PIWIL2: variants seen among roughly 807,000 people sequenced by gnomAD.
The protein encoded by PIWIL2 is piwi-like protein 2.
PIWIL2 carries 81 observed loss-of-function variants against 116.5 expected under a neutral mutation model. That is an observed-to-expected ratio of 0.70 (90% CI 0.58 to 0.84). The LOEUF is 0.84. Among genes scored for constraint, PIWIL2 ranks in the 40% least tolerant of loss-of-function variants. The pLI, the probability that PIWIL2 is intolerant of heterozygous loss-of-function variation, is 0.00. For synonymous variants in PIWIL2, 489 were observed against 429.5 expected, an observed-to-expected ratio of 1.14 and a Z score of -1.71; for missense variants, 1,272 against 1,212.3, an observed-to-expected ratio of 1.05 and a Z score of -0.73.
intron 10 of PIWIL2, among the ~76,000 whole-genome samples, chr8:22,291,828 G>A (rs931444136): frequency 2.6e-5 from 4 of 152,108 alleles, no homozygotes; most frequent in African/African-American, 9.7e-5. Flanking sequence ...AGCCTCTGTT[G>A]TTACCAGGGG....
Position 22,284,260 on chromosome 8 carries a change from A to T in PIWIL2, c.731A>T (p.His244Leu), listed in dbSNP as rs752825795. 1 of 1,565,826 alleles carries T rather than the reference A, an allele frequency of 6.4e-7. No individual in the cohort carries two copies. The highest frequency in any genetic ancestry group is 8.7e-7 in the Non-Finnish European group (1 of 1,143,164). The part of the protein sequence containing the change: ...QCHNEAVYQY[H>L]VTFSPNVECK... ...CATAATGAAGCAGTTTATCAATATC[A>T]TGTGACTTTCAGGTATTCACAGCTT... is the stretch of plus-strand genomic sequence containing the variant. Residue 244 changes from histidine to leucine, a missense_variant, in exon 6 of 23, where the codon CAT becomes CTT. By Grantham distance (99) the His-to-Leu change is moderately conservative (BLOSUM62 -3). Transcript: ENST00000356766.
intron 6 of PIWIL2, among the ~76,000 whole-genome samples, chr8:22,284,625 C>T (rs1830590445): frequency 6.6e-6 from 1 of 151,204 alleles, no homozygotes; most frequent in Non-Finnish European, 1.5e-5. Context: ...TATTCTTTTT[C>T]TTAAAGAACC....
rs1490666891 is a variant in PIWIL2, at chr8:22,314,554, T to C, written c.2091+125T>C. Reference sequence around the variant, plus strand: ...AGAAGCCAGTATGTGCTGAGCCTTCTGGTGAAAGGTTCTCCTGATTAGAGC... The same window carrying C: ...AGAAGCCAGTATGTGCTGAGCCTTCCGGTGAAAGGTTCTCCTGATTAGAGC... On this transcript the variant is annotated intron_variant, in intron 17 of 22. Coordinates refer to ENST00000356766, the MANE Select transcript of PIWIL2 (RefSeq NM_018068.5). 6.5e-6 allele frequency: 3 copies of C among 461,136 alleles called. No homozygotes were observed. In the East Asian group the frequency reaches 1.0e-4, roughly 16 times the overall value. 28.6% of individuals were successfully genotyped at this position (461,136 alleles called of 1,614,324 possible).
intron 10 of PIWIL2, among the ~76,000 whole-genome samples, chr8:22,297,450 C>T (rs1830934685): frequency 6.6e-6 from 1 of 152,098 alleles, no homozygotes; most frequent in South Asian, 2.1e-4. Flanking sequence ...GTTGACAAAT[C>T]AATCACCAGT....
chr8:22,309,108 C>T (rs1262813159), intron 14 of PIWIL2, among the ~76,000 whole-genome samples: 4 of 151,842 alleles, frequency 2.6e-5, no homozygotes, highest in East Asian at 3.9e-4. Flanking sequence ...ATTACAAGCA[C>T]GTGCCACCAC....
Position 22,290,305 on chromosome 8 carries a change from C to T in PIWIL2, c.1140C>T (p.Val380=). 1.2e-6 allele frequency: 2 copies of T among 1,611,904 alleles called. No individual in the cohort carries two copies. Among genetic ancestry groups the T allele is most frequent in the East Asian group, 2.2e-5 (1 of 44,822 alleles). ...TDGGLFLLAD[V]SHKVIRNDCV... ...GAGGGCTCTTCCTGCTAGCTGATGT[C>T]TCCCATAAGGTCATTCGGAATGACT... The change falls in exon 10 of 23, where the codon GTC becomes GTT. Residue 380 remains valine (V), a synonymous_variant. Coordinates refer to ENST00000356766, the MANE Select transcript of PIWIL2 (RefSeq NM_018068.5).
At chr8:22,341,300 A>T (rs977567850) in intron 20 of PIWIL2, among the ~76,000 whole-genome samples, 19 of 125,672 alleles carry the variant, frequency 1.5e-4, no homozygotes, top group South Asian at 7.0e-4. Context: ...TTCATGATTT[A>T]AAAAAAAAAA....
Position 22,304,054 on chromosome 8 carries a change from C to G in PIWIL2, c.1215C>G (p.Phe405Leu). The G allele has an allele frequency of 1.9e-6, 3 of 1,613,022 alleles. No individual in the cohort carries two copies. Among genetic ancestry groups the G allele is most frequent in the Non-Finnish European group, 2.5e-6 (3 of 1,179,308 alleles). The part of the protein sequence containing the change: ...HAIYQQNKEH[F>L]QDECTKLLVG... The stretch of plus-strand genomic sequence containing the variant: ...TTTATCAGCAGAATAAAGAACACTT[C>G]CAGGATGAGTGTACTAAGCTTCTGG... Residue 405 changes from phenylalanine (F) to leucine (L), a missense_variant, in exon 11 of 23, where the codon TTC becomes TTG. Phe to Leu is a conservative substitution (Grantham distance 22, BLOSUM62 0). Transcript: ENST00000356766.
rs1263012828 is a variant in PIWIL2, at chr8:22,356,380, C to G, written c.*875C>G. The G allele has an allele frequency of 2.0e-5, 3 of 152,160 alleles. 1 individual carries two copies. In the South Asian group the frequency reaches 6.2e-4, roughly 32 times the overall value. 9.4% of individuals were successfully genotyped at this position (152,160 alleles called of 1,614,324 possible). A position where few individuals can be genotyped will look rare whatever the true frequency, so the allele number is the denominator to read the frequency against. On this transcript the variant is annotated 3_prime_UTR_variant, in exon 23 of 23. Coordinates refer to ENST00000356766, the MANE Select transcript of PIWIL2 (RefSeq NM_018068.5). ...GGGATTGAATTGATGACGACTGTGA[C>G]TTGAGTTGGATTCGAAAATGGCTTC...
At chr8:22,313,261 T>C (rs962103949) in intron 16 of PIWIL2, among the ~76,000 whole-genome samples, 1 of 152,130 alleles carries the variant, frequency 6.6e-6, no homozygotes, top group Non-Finnish European at 1.5e-5. Context: ...AGGAGCCTGA[T>C]AAGGAGTATA....
chr8:22,284,323 A>C, intron 6 of PIWIL2, 51 bp downstream of exon 6: 1 of 922,906 alleles, frequency 1.1e-6, no homozygotes, highest in Non-Finnish European at 1.7e-6. Context: ...GCAGTAAAAA[A>C]AATAGTTCCC....
intron 20 of PIWIL2, among the ~76,000 whole-genome samples, chr8:22,320,259 C>CCT (rs1554502950): frequency 1.1e-5 from 1 of 89,602 alleles, no homozygotes; most frequent in African/African-American, 3.7e-5. Context: ...CTGCGCCCGG[C>CCT]TTTTTTTTTT....
At chr8:22,297,882 A>G (rs535019747) in intron 10 of PIWIL2, among the ~76,000 whole-genome samples, 2 of 152,260 alleles carry the variant, frequency 1.3e-5, no homozygotes, top group African/African-American at 4.8e-5. Flanking sequence ...ACTGTTTTCT[A>G]TGTTGAGCAG....
At chr8:22,327,443 C>G (rs1444934195) in intron 20 of PIWIL2, among the ~76,000 whole-genome samples, 3 of 150,520 alleles carry the variant, frequency 2.0e-5, no homozygotes, top group African/African-American at 4.9e-5. Flanking sequence ...TCTTGACTCA[C>G]CACAACCTCC....
At chr8:22,304,905 G>C (rs1198763827) in intron 12 of PIWIL2, 37 bp downstream of exon 12, 1 of 1,373,386 alleles carries the variant, frequency 7.3e-7, no homozygotes, top group Non-Finnish European at 1.0e-6. Context: ...TCCAGCTTAA[G>C]TTCTTCATCC....
At chr8:22,304,643 TATG>T in intron 11 of PIWIL2, 138 bp from the exon 12 acceptor site, 1 of 545,708 alleles carries the variant, frequency 1.8e-6, no homozygotes. Context: ...ATAAATATAT[TATG>T]ATCGGTTTGC....
At chr8:22,348,710 G>T (rs186660530) in intron 20 of PIWIL2, among the ~76,000 whole-genome samples, 1 of 152,184 alleles carries the variant, frequency 6.6e-6, no homozygotes, top group Non-Finnish European at 1.5e-5. Context: ...GATCGCTTGA[G>T]CCCAGAAGGT....
chr8:22,302,584 AT>A (rs773464776), intron 10 of PIWIL2, among the ~76,000 whole-genome samples: 41 of 151,668 alleles, frequency 2.7e-4, no homozygotes, highest in Non-Finnish European at 1.5e-4. Context: ...GTTTTTCCTT[AT>A]TATCATTTTT....
rs144022394 is a variant in PIWIL2, at chr8:22,310,011, G to A, written c.1737G>A (p.Ser579=). The change falls in exon 15 of 23, where the codon TCG becomes TCA. Residue 579 remains serine, a synonymous_variant. Coordinates refer to ENST00000356766, the MANE Select transcript of PIWIL2 (RefSeq NM_018068.5). ...AAAGAATTAACTTAAAAAATACTTC[G>A]TTTATCACATCTCAGGAACTAAACT... ...PMERINLKNT[S]FITSQELNWV... is the part of the protein sequence containing the mutation. The A allele has an allele frequency of 1.4e-4, 226 of 1,611,880 alleles. 2 individuals are homozygous for A. In the African/African-American group the frequency reaches 1.9e-3, roughly 14 times the overall value.
Sources: allele counts gnomAD v4.1 joint callset (sites outside exome capture counted in the v4.1 genomes callset), GRCh38; gene constraint gnomAD v4.1.1; transcripts MANE v1.5; gene names NCBI Gene and HGNC (gene_info 2026-07-23, HGNC 2026-07-21).